The following KCNIP4 variants were observed in gnomAD, a reference collection of about 807,000 sequenced individuals.
The protein encoded by KCNIP4 is Kv channel-interacting protein 4.
KCNIP4 carries 12 observed loss-of-function variants against 34.0 expected under a neutral mutation model. The ratio of observed to expected loss-of-function variants is 0.35; its 90% CI spans 0.23 to 0.57. KCNIP4 has a LOEUF of 0.57. KCNIP4 is among the 20% of genes least tolerant of loss of function. The probability of loss-of-function intolerance (pLI) is 0.83; values close to 1 mark genes in which losing one functional copy is unlikely to be tolerated. For synonymous variants in KCNIP4, 124 were observed against 102.2 expected (o/e 1.21, Z -1.29); for missense variants, 238 against 311.7 (o/e 0.76, Z 1.78).
intron 1 of KCNIP4, among the ~76,000 whole-genome samples, chr4:21,740,488 T>G (rs1398209795): frequency 6.6e-6 from 1 of 152,058 alleles, no homozygotes; most frequent in East Asian, 1.9e-4. Context: ...AACTGATATA[T>G]ATAGAATATT....
At chr4:21,317,900 C>T (rs1042464723) in intron 1 of KCNIP4, among the ~76,000 whole-genome samples, 5 of 152,220 alleles carry the variant, frequency 3.3e-5, no homozygotes, top group African/African-American at 1.2e-4. Context: ...CTTTCACCTT[C>T]CACCATGATT....
chr4:20,836,570 G>A (rs1719058759), intron 3 of KCNIP4, among the ~76,000 whole-genome samples: 1 of 152,156 alleles, frequency 6.6e-6, no homozygotes, highest in Non-Finnish European at 1.5e-5. Context: ...ACTCAGGCAG[G>A]ATTTCAACAT....
chr4:21,504,372 G>A (rs1733623288), intron 1 of KCNIP4, among the ~76,000 whole-genome samples: 1 of 150,922 alleles, frequency 6.6e-6, no homozygotes, highest in South Asian at 2.1e-4. Context: ...GGGAGCTGAG[G>A]GAGGAGGATC....
chr4:20,804,146 T>C (rs1279319781), intron 3 of KCNIP4, among the ~76,000 whole-genome samples: 1 of 152,182 alleles, frequency 6.6e-6, no homozygotes, highest in East Asian at 1.9e-4. Flanking sequence ...ACTGCACAAA[T>C]TATTTTCCAT....
intron 1 of KCNIP4, among the ~76,000 whole-genome samples, chr4:21,090,216 A>G (rs11935122): frequency 0.17 from 25,553 of 152,108 alleles, 2,231 homozygotes; most frequent in East Asian, 0.24. Context: ...GTTTATTTGC[A>G]TAACGACTGT....
At chr4:21,440,890 T>C (rs763537974) in intron 1 of KCNIP4, among the ~76,000 whole-genome samples, 1 of 152,134 alleles carries the variant, frequency 6.6e-6, no homozygotes, top group Non-Finnish European at 1.5e-5. Flanking sequence ...TATATAGCAA[T>C]TTATGTAATA....
intron 1 of KCNIP4, among the ~76,000 whole-genome samples, chr4:21,392,940 A>G (rs1722685117): frequency 6.6e-6 from 1 of 152,220 alleles, no homozygotes; most frequent in Non-Finnish European, 1.5e-5. Context: ...TTACACCTGA[A>G]GCAATAATGT....
At chr4:20,938,172 G>A (rs12639782) in intron 1 of KCNIP4, among the ~76,000 whole-genome samples, 19,846 of 150,348 alleles carry the variant, frequency 0.13, 1,827 homozygotes, top group African/African-American at 0.27. Flanking sequence ...ATCTTCTCTA[G>A]ATTTTCTCAT....
intron 1 of KCNIP4, among the ~76,000 whole-genome samples, chr4:21,910,146 T>C (rs538098414): frequency 4.1e-4 from 63 of 152,204 alleles, no homozygotes; most frequent in African/African-American, 1.4e-3. Context: ...TGTCTCTCTC[T>C]GATAAAAGGC....
At chr4:21,178,521 T>C (rs1331119124) in intron 1 of KCNIP4, among the ~76,000 whole-genome samples, 2 of 150,842 alleles carry the variant, frequency 1.3e-5, no homozygotes, top group Non-Finnish European at 2.9e-5. Flanking sequence ...TCCAGGATAG[T>C]TATTTAAGTC....
At chr4:20,893,366 C>A (rs935888737) in intron 1 of KCNIP4, among the ~76,000 whole-genome samples, 1 of 152,026 alleles carries the variant, frequency 6.6e-6, no homozygotes. Context: ...TGAATCTAAG[C>A]GCTGCCACTT....
chr4:21,116,569 T>C (rs1376378246), intron 1 of KCNIP4, among the ~76,000 whole-genome samples: 1 of 152,226 alleles, frequency 6.6e-6, no homozygotes, highest in Non-Finnish European at 1.5e-5. Flanking sequence ...CATCTTTTGT[T>C]GTTCTCTCTA....
chr4:21,925,002 C>G (rs1408543523), intron 1 of KCNIP4, among the ~76,000 whole-genome samples: 5 of 152,254 alleles, frequency 3.3e-5, no homozygotes, highest in South Asian at 2.1e-4. Context: ...CCTCTCTTCT[C>G]TCTCCTCCTT....
At chr4:21,742,941 C>A (rs1716516023) in intron 1 of KCNIP4, among the ~76,000 whole-genome samples, 1 of 151,968 alleles carries the variant, frequency 6.6e-6, no homozygotes. Flanking sequence ...AATACACACG[C>A]ATTTGCTTTT....
Position 21,086,057 on chromosome 4 carries a change from A to C in KCNIP4, c.62-203348T>G, listed in dbSNP as rs539504735. 9.9e-4 allele frequency among the ~76,000 whole-genome samples: 151 copies of C among 152,228 alleles called. 1 individual carries two copies. The highest frequency in any genetic ancestry group is 1.8e-3 in the Non-Finnish European group (121 of 68,018). On this transcript the variant is annotated intron_variant, in intron 1 of 8. Coordinates refer to ENST00000382152, the MANE Select transcript of KCNIP4 (RefSeq NM_025221.6). The stretch of plus-strand genomic sequence containing the variant: ...CTGGAACGTGGATATGGTGGTGGGG[A>C]GCCAGGTTCCGTCATGTAGATATAG...
At chr4:20,753,651 A>G (rs886225603) in intron 4 of KCNIP4, among the ~76,000 whole-genome samples, 4 of 152,202 alleles carry the variant, frequency 2.6e-5, no homozygotes, top group African/African-American at 9.6e-5. Context: ...TGAATATACA[A>G]TTCATGACAT....
intron 1 of KCNIP4, among the ~76,000 whole-genome samples, chr4:20,970,244 G>A (rs571458453): frequency 3.9e-5 from 6 of 152,086 alleles, no homozygotes; most frequent in South Asian, 2.1e-4. Context: ...CCCGGCCAGC[G>A]GTTATTCTTA....
At chr4:21,527,378 G>A (rs930996894) in intron 1 of KCNIP4, among the ~76,000 whole-genome samples, 3 of 152,088 alleles carry the variant, frequency 2.0e-5, no homozygotes, top group East Asian at 1.9e-4. Flanking sequence ...ACATTGAGAC[G>A]TGGAATCCTT....
chr4:21,871,273 C>T (rs1014256271), intron 1 of KCNIP4, among the ~76,000 whole-genome samples: 1 of 133,918 alleles, frequency 7.5e-6, no homozygotes, highest in Non-Finnish European at 1.6e-5. Context: ...CACCTCCCCC[C>T]ACCCCACAAC....
Sources: allele counts gnomAD v4.1 joint callset (sites outside exome capture counted in the v4.1 genomes callset), GRCh38; gene constraint gnomAD v4.1.1; transcripts MANE v1.5; gene names NCBI Gene and HGNC (gene_info 2026-07-23, HGNC 2026-07-21).